ELP4: variants seen among roughly 807,000 people sequenced by gnomAD.
The protein encoded by ELP4 is elongator acetyltransferase complex subunit 4.
A neutral mutation model predicts 48.9 loss-of-function variants in ELP4; 51 were observed. The ratio of observed to expected loss-of-function variants is 1.04; its 90% CI spans 0.83 to 1.32. ELP4 has a LOEUF of 1.32. Ranked by LOEUF, ELP4 falls within the 40% of genes most tolerant of loss-of-function variation. The pLI is 0.00. For synonymous variants in ELP4, 210 were observed against 189.2 expected (o/e 1.11, Z -0.90); for missense variants, 519 against 514.6 (o/e 1.01, Z -0.08).
chr11:31,549,773 G>A (rs1479903137), intron 3 of ELP4, among the ~76,000 whole-genome samples: 2 of 152,204 alleles, frequency 1.3e-5, no homozygotes, highest in Non-Finnish European at 1.5e-5. Context: ...TTAAGAAAAT[G>A]TGGCACATAT....
At chr11:31,642,302 C>T (rs552709050) in intron 7 of ELP4, among the ~76,000 whole-genome samples, 76 of 151,798 alleles carry the variant, frequency 5.0e-4, no homozygotes, top group African/African-American at 1.7e-3. Context: ...ATAATATAAA[C>T]AATATTTCTG....
Position 31,781,568 on chromosome 11 carries a change from G to A in ELP4, c.1144-1825G>A, listed in dbSNP as rs187594813. ...GACTGGAGTGCTGTGGCACGATCTC[G>A]GTTCACTGCATCCTCCGACTCCCTG... On this transcript the variant is annotated intron_variant, in intron 9 of 9. Coordinates refer to ENST00000640961, the MANE Select transcript of ELP4 (RefSeq NM_019040.5). 2.9e-4 allele frequency among the ~76,000 whole-genome samples: 37 copies of A among 128,962 alleles called. 1 individual carries two copies. The East Asian group carries it at 4.8e-3, about 17-fold the overall frequency. 84.6% of individuals were successfully genotyped at this position (128,962 alleles called of 152,430 possible).
intron 1 of ELP4, among the ~76,000 whole-genome samples, chr11:31,518,627 T>C (rs1330306521): frequency 6.6e-6 from 1 of 150,900 alleles, no homozygotes; most frequent in East Asian, 2.0e-4. Context: ...CTGGGCACGG[T>C]GGCTCACACC....
chr11:31,746,503 A>G (rs112803777), intron 9 of ELP4, among the ~76,000 whole-genome samples: 3 of 152,206 alleles, frequency 2.0e-5, no homozygotes, highest in Non-Finnish European at 4.4e-5. Flanking sequence ...GTCCAACAAC[A>G]ATAGACTGGA....
At chr11:31,772,916 T>C (rs530200873) in intron 9 of ELP4, among the ~76,000 whole-genome samples, 2 of 152,340 alleles carry the variant, frequency 1.3e-5, no homozygotes, top group South Asian at 4.1e-4. Flanking sequence ...AATCAAAGAC[T>C]TTAGCCCAGT....
chr11:31,715,050 G>A (rs1946816152), intron 9 of ELP4: 1 of 363,822 alleles, frequency 2.7e-6, no homozygotes, highest in African/African-American at 2.1e-5. Context: ...TTACTCATCA[G>A]TAACCACTAT....
In ELP4 at chr11:31,786,689, G is replaced by A. The variant is rs202143838; in HGVS notation, c.*3165G>A. 2.0e-5 allele frequency: 4 copies of A among 195,386 alleles called. No individual in the cohort carries two copies. The highest frequency in any genetic ancestry group is 4.7e-4 in the South Asian group (2 of 4,220). The allele number at this position is 195,386 out of a possible 1,614,324, so 12.1% of individuals were successfully genotyped here. ...AATCTTAGGAAACCTAGTGATGATA[G>A]TAAGAAGAAATGGCAGTGAGCTGTA... is the stretch of plus-strand genomic sequence containing the variant. On this transcript the variant is annotated 3_prime_UTR_variant, in exon 10 of 10. Coordinates refer to ENST00000640961, the MANE Select transcript of ELP4 (RefSeq NM_019040.5).
intron 9 of ELP4, chr11:31,714,725 C>T (rs923935580): frequency 4.8e-5 from 19 of 398,448 alleles, no homozygotes; most frequent in Non-Finnish European, 7.1e-5. Context: ...CTAGAGGTTG[C>T]CTGCATTCCT....
At chr11:31,531,812 A>G (rs1176616099) in intron 2 of ELP4, among the ~76,000 whole-genome samples, 3 of 152,150 alleles carry the variant, frequency 2.0e-5, no homozygotes, top group Admixed American at 1.3e-4. Context: ...AGTAATGTGG[A>G]GAATAGATTG....
At chr11:31,781,873 A>G (rs1948385537) in intron 9 of ELP4, among the ~76,000 whole-genome samples, 1 of 152,190 alleles carries the variant, frequency 6.6e-6, no homozygotes. Flanking sequence ...GAAATGAAAG[A>G]ATTGCTTAAA....
chr11:31,712,753 T>C (rs1460584792), intron 9 of ELP4, among the ~76,000 whole-genome samples: 1 of 152,194 alleles, frequency 6.6e-6, no homozygotes, highest in East Asian at 1.9e-4. Flanking sequence ...AGCAGTACTT[T>C]AGTTCATTAC....
intron 1 of ELP4, 108 bp from the exon 2 acceptor site, chr11:31,519,948 T>C (rs184900808): frequency 2.9e-5 from 28 of 951,826 alleles, no homozygotes; most frequent in Non-Finnish European, 4.2e-5. Flanking sequence ...TGTTCACAAC[T>C]ACTGTTTTAA....
intron 3 of ELP4, among the ~76,000 whole-genome samples, chr11:31,576,423 G>A (rs1330754233): frequency 6.6e-6 from 1 of 152,174 alleles, no homozygotes; most frequent in Non-Finnish European, 1.5e-5. Flanking sequence ...ATTGAACGCA[G>A]CTCTGCACCA....
intron 9 of ELP4, among the ~76,000 whole-genome samples, chr11:31,689,850 TGTGGTG>T (rs369346535): frequency 6.6e-6 from 1 of 152,038 alleles, no homozygotes; most frequent in Non-Finnish European, 1.5e-5. Flanking sequence ...GGGTTGTGGT[TGTGGTG>T]GTGGTGGTGG....
At chr11:31,588,746 G>A (rs1957519610) in intron 3 of ELP4, among the ~76,000 whole-genome samples, 1 of 152,166 alleles carries the variant, frequency 6.6e-6, no homozygotes, top group South Asian at 2.1e-4. Context: ...ACTTTGGGAG[G>A]CTAAGGCGGG....
intron 9 of ELP4, among the ~76,000 whole-genome samples, chr11:31,691,767 G>A (rs1312568261): frequency 6.6e-6 from 1 of 152,046 alleles, no homozygotes; most frequent in African/African-American, 2.4e-5. Flanking sequence ...AACAATTTTT[G>A]AACTAGGAAT....
intron 9 of ELP4, among the ~76,000 whole-genome samples, chr11:31,690,510 A>G (rs555459121): frequency 1.1e-4 from 17 of 152,278 alleles, no homozygotes; most frequent in African/African-American, 3.8e-4. Flanking sequence ...TTTGTGGAAA[A>G]GTAAAATTAG....
At chr11:31,523,104 C>T (rs1956242161) in intron 2 of ELP4, among the ~76,000 whole-genome samples, 1 of 151,748 alleles carries the variant, frequency 6.6e-6, no homozygotes, top group Admixed American at 6.6e-5. Context: ...AACTTCAGGC[C>T]TCAAGCAGTC....
At chr11:31,745,845 T>C (rs1565137840) in intron 9 of ELP4, among the ~76,000 whole-genome samples, 1 of 152,042 alleles carries the variant, frequency 6.6e-6, no homozygotes, top group Non-Finnish European at 1.5e-5. Flanking sequence ...GGACTTCATG[T>C]CTAAAACACC....
Sources: gnomAD v4.1 joint callset for allele counts (sites outside exome capture counted in the v4.1 genomes callset) on GRCh38, gnomAD v4.1.1 for gene constraint, MANE v1.5 for transcripts, NCBI Gene and HGNC (gene_info 2026-07-23, HGNC 2026-07-21) for gene names.